The following BPTF variants were observed in gnomAD, a reference collection of about 807,000 sequenced individuals.
The protein encoded by BPTF is nucleosome-remodeling factor subunit BPTF.
Under a neutral mutation model 292.5 loss-of-function variants are expected in BPTF, and 18 were observed. The observed-to-expected ratio is 0.06, with a 90% CI of 0.04 to 0.09. BPTF has a LOEUF of 0.09. BPTF is among the 10% of genes least tolerant of loss of function. The pLI, the probability that BPTF is intolerant of heterozygous loss-of-function variation, is 1.00. For missense variants in BPTF, 2,726 were observed against 3,498.7 expected (o/e 0.78, Z 5.57); for synonymous variants, 1,225 against 1,251.9 (o/e 0.98, Z 0.45).
At chr17:67,917,131 C>CTTTTCCTTTCTTTTTTTTTTTT (rs1194058584) in intron 11 of BPTF, among the ~76,000 whole-genome samples, 1 of 105,808 alleles carries the variant, frequency 9.5e-6, no homozygotes, top group African/African-American at 3.6e-5. Context: ...TGGTATTGTC[C>CTTTTCCTTTCTTTTTTTTTTTT]TTTTTTTTTT....
At chr17:67,896,466 A>AC (rs67648508) in intron 7 of BPTF, among the ~76,000 whole-genome samples, 3 of 148,160 alleles carry the variant, frequency 2.0e-5, no homozygotes, top group Non-Finnish European at 4.5e-5. Context: ...GTAACTAGAA[A>AC]CTGTCCCCCC....
intron 14 of BPTF, among the ~76,000 whole-genome samples, chr17:67,924,129 C>T (rs990982832): frequency 5.9e-5 from 9 of 152,196 alleles, no homozygotes; most frequent in Non-Finnish European, 1.3e-4. Flanking sequence ...CAGGTGGCCA[C>T]CACCATGCCT....
intron 4 of BPTF, among the ~76,000 whole-genome samples, chr17:67,881,865 T>G (rs12947253): frequency 0.07 from 1,222 of 17,576 alleles, 97 homozygotes; most frequent in South Asian, 0.16. Context: ...TTTGTTTTTT[T>G]TTTTTTTTTT....
chr17:67,832,254 T>TA (rs1598098742), intron 1 of BPTF, among the ~76,000 whole-genome samples: 56 of 149,208 alleles, frequency 3.8e-4, no homozygotes, highest in Middle Eastern at 3.2e-3. Flanking sequence ...GTTTCTTAAT[T>TA]TAAAAAAAAA....
chr17:67,827,944 T>G (rs2056251196), intron 1 of BPTF, among the ~76,000 whole-genome samples: 2 of 151,126 alleles, frequency 1.3e-5, no homozygotes, highest in South Asian at 4.2e-4. Context: ...TTTTTTTTTT[T>G]TTTTTGAGAG....
chr17:67,934,280 G>A (rs1268697829), intron 18 of BPTF, among the ~76,000 whole-genome samples: 2 of 152,008 alleles, frequency 1.3e-5, no homozygotes, highest in African/African-American at 4.8e-5. Context: ...CACTTTGGGA[G>A]GCCAAGATGG....
At chr17:67,896,067 A>C (rs1171949274) in intron 7 of BPTF, among the ~76,000 whole-genome samples, 1 of 148,618 alleles carries the variant, frequency 6.7e-6, no homozygotes, top group Non-Finnish European at 1.5e-5. Context: ...GGTTCACGCC[A>C]TTCTCCTGCC....
intron 21 of BPTF, 103 bp from the exon 22 acceptor site, chr17:67,947,623 C>A: frequency 2.3e-6 from 2 of 876,542 alleles, no homozygotes; most frequent in South Asian, 3.9e-5. Context: ...CTTACAGTTT[C>A]TTTAAAAAAA....
intron 3 of BPTF, among the ~76,000 whole-genome samples, chr17:67,870,855 C>T (rs1041549779): frequency 2.0e-5 from 3 of 146,636 alleles, no homozygotes; most frequent in African/African-American, 5.0e-5. Flanking sequence ...CTGCAAGCTC[C>T]GCCTCCCGGG....
intron 3 of BPTF, among the ~76,000 whole-genome samples, chr17:67,871,745 A>G (rs994727529): frequency 6.6e-6 from 1 of 152,190 alleles, no homozygotes; most frequent in Non-Finnish European, 1.5e-5. Flanking sequence ...ATCAGATACA[A>G]TGTAATTTTC....
At chr17:67,842,852 G>A (rs1052435245) in intron 1 of BPTF, among the ~76,000 whole-genome samples, 5 of 133,862 alleles carry the variant, frequency 3.7e-5, no homozygotes, top group Non-Finnish European at 4.8e-5. Context: ...CATTTCAGAT[G>A]AAGAAAATCT....
intron 27 of BPTF, 116 bp downstream of exon 27, chr17:67,976,074 A>G: frequency 1.9e-6 from 1 of 527,436 alleles, no homozygotes; most frequent in Non-Finnish European, 2.6e-6. Context: ...AATATCTTTA[A>G]AAAAAAAATA....
chr17:67,966,495 A>G (rs2068114304), intron 25 of BPTF, 77 bp from the exon 26 acceptor site: 3 of 1,297,730 alleles, frequency 2.3e-6, no homozygotes, highest in Admixed American at 1.9e-5. Context: ...GGGTTCATTG[A>G]TGTAGTAACT....
chr17:67,932,603 A>G (rs910278050), intron 18 of BPTF, among the ~76,000 whole-genome samples: 5 of 152,202 alleles, frequency 3.3e-5, no homozygotes, highest in Non-Finnish European at 7.3e-5. Context: ...TGGGAGGCCG[A>G]GGTGGAAGAA....
Position 67,847,368 on chromosome 17 carries a change from G to T in BPTF, c.614-6572G>T, listed in dbSNP as rs566866270. Among the ~76,000 whole-genome samples, 3 of 152,136 alleles carry T rather than the reference G, an allele frequency of 2.0e-5. No homozygotes were observed. The East Asian group carries it at 5.8e-4, about 30-fold the overall frequency. On this transcript the variant is annotated intron_variant, in intron 1 of 27. Coordinates refer to ENST00000306378, the MANE Select transcript of BPTF (RefSeq NM_182641.4). ...CATCTCTACTAAAAATAATAAATTA[G>T]CCGGGCGTGGTGGCACATGCCTGTA... is the stretch of plus-strand genomic sequence containing the variant.
At position 67,891,961 on chromosome 17, in the gene BPTF, T is replaced by C; in HGVS notation, c.1982T>C (p.Leu661Pro). Residue 661 changes from leucine (L) to proline (P), a missense_variant, in exon 5 of 28, where the codon CTT becomes CCT. Leu to Pro is a moderately conservative substitution (Grantham distance 98). Around this residue, in one of 22 missense-constraint regions of BPTF, gnomAD observed 5 missense variants for 22.0 expected, o/e 0.23. Coordinates refer to ENST00000306378, the MANE Select transcript of BPTF (RefSeq NM_182641.4). ...ITRLRNPDSKLSQLKSQQVAA... is the reference protein window; with the variant it reads ...ITRLRNPDSKPSQLKSQQVAA... ...AGATTGCGGAATCCAGATAGCAAACTTAGTCAGCTGAAGAGCCAGCAGGTG... is the reference window on the plus strand; with the variant it reads ...AGATTGCGGAATCCAGATAGCAAACCTAGTCAGCTGAAGAGCCAGCAGGTG... The C allele has an allele frequency of 6.2e-7, 1 of 1,612,478 alleles. No homozygotes were observed. Among genetic ancestry groups the C allele is most frequent in the Non-Finnish European group, 8.5e-7 (1 of 1,179,400 alleles).
intron 21 of BPTF, 111 bp downstream of exon 21, chr17:67,946,436 GTTTAAA>G (rs1398156433): frequency 3.8e-5 from 55 of 1,457,758 alleles, no homozygotes; most frequent in Non-Finnish European, 4.9e-5. Flanking sequence ...AGTCATTAAT[GTTTAAA>G]TTTAGAAGAA....
intron 26 of BPTF, among the ~76,000 whole-genome samples, chr17:67,971,149 G>T (rs1555690596): frequency 6.6e-6 from 1 of 152,180 alleles, no homozygotes; most frequent in East Asian, 1.9e-4. Context: ...CGCTATCTCG[G>T]CTCACTGCAA....
chr17:67,865,680 G>A (rs2059352404), intron 2 of BPTF, among the ~76,000 whole-genome samples: 1 of 152,194 alleles, frequency 6.6e-6, no homozygotes, highest in Non-Finnish European at 1.5e-5. Context: ...AGTGGGGACA[G>A]AAATACCATT....
Sources: allele counts gnomAD v4.1 joint callset (sites outside exome capture counted in the v4.1 genomes callset), GRCh38; gene constraint gnomAD v4.1.1; regional missense constraint gnomAD v4.1.1; transcripts MANE v1.5; gene names NCBI Gene and HGNC (gene_info 2026-07-23, HGNC 2026-07-21).